DAPK2: variants seen among roughly 807,000 people sequenced by gnomAD.
DAPK2 encodes death associated protein kinase 2, also known as death-associated protein kinase 2.
A neutral mutation model predicts 44.1 loss-of-function variants in DAPK2; 35 were observed. The ratio of observed to expected loss-of-function variants is 0.79; its 90% confidence interval spans 0.61 to 1.05. The LOEUF is 1.05. Among genes scored for constraint, DAPK2 ranks in the 50% least tolerant of loss-of-function variants. The pLI is 0.00. For synonymous variants in DAPK2, 174 were observed against 182.6 expected (o/e 0.95, Z 0.38); for missense variants, 453 against 483.2 (o/e 0.94, Z 0.59).
At chr15:64,030,293 C>T (rs1352343220) in intron 1 of DAPK2, among the ~76,000 whole-genome samples, 1 of 151,784 alleles carries the variant, frequency 6.6e-6, no homozygotes, top group Non-Finnish European at 1.5e-5. Flanking sequence ...ATCTCAAAAA[C>T]CAAAAACCAA....
intron 3 of DAPK2, among the ~76,000 whole-genome samples, chr15:63,945,439 C>T (rs113225813): frequency 6.9e-4 from 105 of 152,288 alleles, no homozygotes; most frequent in African/African-American, 2.4e-3. Context: ...TTCTGCCAGG[C>T]CCCGCACCAC....
chr15:64,010,517 C>A (rs1044399317), intron 1 of DAPK2, among the ~76,000 whole-genome samples: 3 of 152,122 alleles, frequency 2.0e-5, no homozygotes, highest in African/African-American at 7.2e-5. Context: ...TGATGATGAT[C>A]CCTACATTTG....
intron 10 of DAPK2, chr15:63,909,468 T>C (rs925183376): frequency 6.6e-6 from 1 of 152,202 alleles, no homozygotes; most frequent in Non-Finnish European, 1.5e-5. Flanking sequence ...GAGTACTATT[T>C]AAGAATATTT....
chr15:63,983,382 C>T, intron 2 of DAPK2, 151 bp downstream of exon 3: 2 of 673,402 alleles, frequency 3.0e-6, no homozygotes, highest in East Asian at 5.5e-5. Flanking sequence ...GTAACTGAGA[C>T]AGAGGGGATC....
chr15:64,042,100 C>T (rs1450767023), upstream of DAPK2, among the ~76,000 whole-genome samples: 2 of 152,190 alleles, frequency 1.3e-5, no homozygotes, highest in African/African-American at 2.4e-5. This position sits in a 1 kb window ranked among gnomAD's most constrained non-coding sequence, Gnocchi z 4.7. Flanking sequence ...GGACTCATCC[C>T]CTCACCTGTA....
rs1274932614 is a variant in DAPK2, at chr15:63,990,187, A to G, written c.93-6433T>C. Among the ~76,000 whole-genome samples, 2 of 151,918 alleles carry G rather than the reference A, an allele frequency of 1.3e-5. No homozygotes were observed. The highest frequency in any genetic ancestry group is 2.9e-5 in the Non-Finnish European group (2 of 67,966). On this transcript the variant is annotated intron_variant, in intron 1 of 10. Transcript: ENST00000261891. The surrounding 1 kb of genome is among the most constrained non-coding windows in gnomAD (Gnocchi z 4.3). ...TGGGTGTGGTTGTTGTAATCCCAGC[A>G]CTCTGGGAGGCGGGAGGATCACCTG...
Position 63,908,690 on chromosome 15 carries a change from C to T in DAPK2, c.1033-90G>A. ...TGCTGGGCAACCTGGGTTGATTCAC[C>T]TGGACCACGGGACTACAAGCCAGGG... On this transcript the variant is annotated intron_variant, in intron 10 of 10. Transcript: ENST00000261891. The surrounding 1 kb of genome is among the most constrained non-coding windows in gnomAD (Gnocchi z 5.7). 1 of 1,112,006 alleles carries T rather than the reference C, an allele frequency of 9.0e-7. No individual in the cohort carries two copies. Among genetic ancestry groups the T allele is most frequent in the Admixed American group, 2.7e-5 (1 of 37,646 alleles). 68.9% of individuals were successfully genotyped at this position (1,112,006 alleles called of 1,614,324 possible).
chr15:63,936,979 CAAAAAAA>C (rs56052031), intron 4 of DAPK2, among the ~76,000 whole-genome samples: 4 of 129,814 alleles, frequency 3.1e-5, no homozygotes, highest in Admixed American at 8.1e-5. Flanking sequence ...GACCCTGTCT[CAAAAAAA>C]AAAAAAAAAA....
intron 8 of DAPK2, among the ~76,000 whole-genome samples, chr15:63,914,686 C>T (rs150060483): frequency 6.6e-6 from 1 of 152,120 alleles, no homozygotes; most frequent in Admixed American, 6.5e-5. Context: ...TACCTCTCTG[C>T]TTCCTGTCCA....
chr15:63,966,551 G>C lies in DAPK2; in HGVS notation c.453+4872C>G, dbSNP rs1274996802. On this transcript the variant is annotated intron_variant, in intron 3 of 10. Coordinates refer to ENST00000261891, the Ensembl canonical transcript of DAPK2. The surrounding 1 kb of genome is among the most constrained non-coding windows in gnomAD (Gnocchi z 5.5). ...CTAGACTTCCGTTCAAGTTTACTTAGAAACCCAGAGCACTTTAGTCTGCAG... is the reference window on the plus strand; with the variant it reads ...CTAGACTTCCGTTCAAGTTTACTTACAAACCCAGAGCACTTTAGTCTGCAG... Among the ~76,000 whole-genome samples, 2 of 152,220 alleles carry C rather than the reference G, an allele frequency of 1.3e-5. No individual in the cohort carries two copies. The highest frequency in any genetic ancestry group is 2.4e-5 in the African/African-American group (1 of 41,456).
rs891127121 is a variant in DAPK2 at position 63,930,314 on chromosome 15, T to C, written c.632+93A>G. 4.0e-6 allele frequency: 5 copies of C among 1,243,700 alleles called. No individual in the cohort carries two copies. In the African/African-American group the frequency reaches 5.9e-5, roughly 15 times the overall value. 77.0% of individuals were successfully genotyped at this position (1,243,700 alleles called of 1,614,324 possible). On this transcript the variant is annotated intron_variant, in intron 5 of 10. Transcript: ENST00000261891. ...AACAGTGAGTGTGGAGTAAGGGGCT[T>C]TCATGGTTAAGCGGATGTCACCTGG...
intron 1 of DAPK2, among the ~76,000 whole-genome samples, chr15:64,006,739 C>T (rs1031739969): frequency 6.6e-6 from 1 of 152,214 alleles, no homozygotes; most frequent in African/African-American, 2.4e-5. Flanking sequence ...CCAGACAGGT[C>T]TCCTGTCAGG....
chr15:64,045,996 G>A (rs1328503657), intron 1 of DAPK2, among the ~76,000 whole-genome samples: 1 of 152,182 alleles, frequency 6.6e-6, no homozygotes, highest in African/African-American at 2.4e-5. Flanking sequence ...GGCCTAACTC[G>A]ATGGACGTCT....
intron 1 of DAPK2, among the ~76,000 whole-genome samples, chr15:64,008,273 C>T (rs2079292017): frequency 6.6e-6 from 1 of 152,162 alleles, no homozygotes; most frequent in African/African-American, 2.4e-5. Flanking sequence ...ATCAACTCTA[C>T]CCTATATGCA....
intron 1 of DAPK2, among the ~76,000 whole-genome samples, chr15:64,002,958 G>GGGGCC (rs1567266499): frequency 8.8e-6 from 1 of 113,412 alleles, no homozygotes; most frequent in Non-Finnish European, 1.8e-5. Flanking sequence ...GTGTGTGTGT[G>GGGGCC]TGTGTGTCGT....
At chr15:63,991,591 C>T (rs1306906106) in intron 1 of DAPK2, among the ~76,000 whole-genome samples, 1 of 152,028 alleles carries the variant, frequency 6.6e-6, no homozygotes, top group Non-Finnish European at 1.5e-5. Flanking sequence ...CAGAGCCCAC[C>T]CACTGACCGC....
chr15:63,929,724 A>C, intron 5 of DAPK2, 147 bp from the exon 7 acceptor site: 1 of 895,300 alleles, frequency 1.1e-6, no homozygotes, highest in Non-Finnish European at 1.8e-6. Flanking sequence ...ACCCATCTCC[A>C]TCCTGCTCTT....
chr15:63,980,322 G>T lies in DAPK2; in HGVS notation c.314+3211C>A, dbSNP rs996097945. On this transcript the variant is annotated intron_variant, in intron 2 of 10. Coordinates refer to ENST00000261891, the Ensembl canonical transcript of DAPK2. This position sits in a 1 kb window ranked among gnomAD's most constrained non-coding sequence, Gnocchi z 4.3. Reference sequence around the variant, plus strand: ...ACTCCTAGGGTTCTACAAACAGGAAGAAGCAGGCAATTTCCCCAGCAATTA... The same window carrying T: ...ACTCCTAGGGTTCTACAAACAGGAATAAGCAGGCAATTTCCCCAGCAATTA... Among the ~76,000 whole-genome samples the T allele has an allele frequency of 2.0e-4, 30 of 152,172 alleles. No homozygotes were observed. The highest frequency in any genetic ancestry group is 6.5e-4 in the African/African-American group (27 of 41,446).
At chr15:63,986,668 C>G (rs895647361) in intron 1 of DAPK2, among the ~76,000 whole-genome samples, 1 of 152,162 alleles carries the variant, frequency 6.6e-6, no homozygotes, top group Non-Finnish European at 1.5e-5. Context: ...AGCTCTATTC[C>G]GAGCAAGTAG....
Sources: allele counts gnomAD v4.1 joint callset (sites outside exome capture counted in the v4.1 genomes callset), GRCh38; gene constraint gnomAD v4.1.1; non-coding constraint Gnocchi (gnomAD v3.1); transcripts MANE v1.5; gene names NCBI Gene and HGNC (gene_info 2026-07-23, HGNC 2026-07-21).